Variants in LRBA observed in about 807,000 individuals in gnomAD.
LRBA encodes the protein lipopolysaccharide-responsive and beige-like anchor protein.
LRBA carries 176 observed loss-of-function variants against 330.0 expected under a neutral mutation model. The ratio of observed to expected loss-of-function variants is 0.53; its 90% CI spans 0.47 to 0.60. The LOEUF is 0.60. LRBA is among the 20% of genes least tolerant of loss of function. The pLI, the probability that LRBA is intolerant of heterozygous loss-of-function variation, is 0.00. For synonymous variants in LRBA, 1,230 were observed against 1,193.0 expected (o/e 1.03, Z -0.64); for missense variants, 3,259 against 3,444.8 (o/e 0.95, Z 1.35).
chr4:150,967,080 A>G (rs1027605160), intron 2 of LRBA, among the ~76,000 whole-genome samples: 1 of 152,240 alleles, frequency 6.6e-6, no homozygotes, highest in Non-Finnish European at 1.5e-5. Flanking sequence ...AGTCTAATTT[A>G]ATTTGTTTTA....
At chr4:150,890,882 A>G (rs1729390739) in intron 17 of LRBA, among the ~76,000 whole-genome samples, 1 of 152,158 alleles carries the variant, frequency 6.6e-6, no homozygotes, top group Admixed American at 6.5e-5. Flanking sequence ...CTAGTTTTTA[A>G]ATGTCTATGA....
chr4:150,669,943 T>G (rs1221286782), intron 37 of LRBA, among the ~76,000 whole-genome samples: 1 of 152,216 alleles, frequency 6.6e-6, no homozygotes, highest in Non-Finnish European at 1.5e-5. Flanking sequence ...CACTTCTCAG[T>G]GCATCACATC....
At chr4:150,984,453 G>A (rs955227350) in intron 2 of LRBA, among the ~76,000 whole-genome samples, 12 of 152,080 alleles carry the variant, frequency 7.9e-5, no homozygotes, top group Admixed American at 2.6e-4. Context: ...AGGTTGTGGT[G>A]AGTGGAGATT....
At chr4:150,418,019 G>GTT (rs201449584) in intron 46 of LRBA, among the ~76,000 whole-genome samples, 4 of 132,340 alleles carry the variant, frequency 3.0e-5, no homozygotes, top group African/African-American at 8.3e-5. Flanking sequence ...TTGGTTTTTT[G>GTT]TTTTTTTTTT....
intron 35 of LRBA, among the ~76,000 whole-genome samples, chr4:150,753,351 A>G (rs1434193453): frequency 2.6e-5 from 4 of 152,208 alleles, no homozygotes; most frequent in Non-Finnish European, 4.4e-5. Context: ...GCCAGTATGG[A>G]TTAATATTTG....
intron 44 of LRBA, among the ~76,000 whole-genome samples, chr4:150,452,627 A>AG (rs1365673285): frequency 2.4e-5 from 1 of 42,418 alleles, no homozygotes; most frequent in Non-Finnish European, 5.1e-5. Context: ...ATCTCAAAGG[A>AG]AAAAAAAAAA....
chr4:150,892,387 G>A (rs565351548), intron 17 of LRBA, among the ~76,000 whole-genome samples: 15 of 152,130 alleles, frequency 9.9e-5, no homozygotes, highest in Non-Finnish European at 1.8e-4. Context: ...CTAAGAGTGG[G>A]TCCCTAATCC....
intron 47 of LRBA, among the ~76,000 whole-genome samples, chr4:150,352,555 T>C (rs1340391918): frequency 1.3e-5 from 2 of 152,224 alleles, no homozygotes; most frequent in African/African-American, 4.8e-5. Flanking sequence ...GCTTTACATT[T>C]ACAAATTTAT....
At chr4:150,287,758 G>GC (rs904586976) in intron 53 of LRBA, among the ~76,000 whole-genome samples, 3 of 152,128 alleles carry the variant, frequency 2.0e-5, no homozygotes, top group African/African-American at 2.4e-5. Context: ...ATACAAAGAG[G>GC]CAAGGGGGTA....
chr4:150,621,186 A>T (rs971559143), intron 37 of LRBA, among the ~76,000 whole-genome samples: 1 of 152,222 alleles, frequency 6.6e-6, no homozygotes, highest in African/African-American at 2.4e-5. Context: ...AATGGAAATT[A>T]CTGGCAGTAA....
chr4:150,973,598 ATTCTG>A (rs1295260153), intron 2 of LRBA, among the ~76,000 whole-genome samples: 1 of 152,240 alleles, frequency 6.6e-6, no homozygotes, highest in East Asian at 1.9e-4. Flanking sequence ...TCTTCTAATA[ATTCTG>A]TTCTAATAAC....
At chr4:150,327,026 A>C (rs549762234) in intron 48 of LRBA, among the ~76,000 whole-genome samples, 2 of 152,344 alleles carry the variant, frequency 1.3e-5, no homozygotes, top group African/African-American at 4.8e-5. Context: ...AAATCATAAA[A>C]TGGGAACCTG....
At chr4:150,343,578 CCAGGTT>C (rs1735876194) in intron 48 of LRBA, among the ~76,000 whole-genome samples, 1 of 152,082 alleles carries the variant, frequency 6.6e-6, no homozygotes, top group Non-Finnish European at 1.5e-5. Flanking sequence ...TCAATCCAGC[CCAGGTT>C]CACGTTTCAT....
At chr4:150,452,732 A>T (rs1159220894) in intron 44 of LRBA, among the ~76,000 whole-genome samples, 1 of 152,144 alleles carries the variant, frequency 6.6e-6, no homozygotes, top group Non-Finnish European at 1.5e-5. Flanking sequence ...TTCCCCTAAC[A>T]CAAAAGACAA....
chr4:150,710,239 GA>G (rs1401542952), intron 36 of LRBA, among the ~76,000 whole-genome samples: 1 of 151,928 alleles, frequency 6.6e-6, no homozygotes, highest in Non-Finnish European at 1.5e-5. Context: ...TGTAGTAAGG[GA>G]AAAAATGGGT....
intron 37 of LRBA, among the ~76,000 whole-genome samples, chr4:150,660,604 A>ATGGCG (rs1386693440): frequency 2.7e-5 from 4 of 145,616 alleles, no homozygotes; most frequent in Admixed American, 2.7e-4. Flanking sequence ...CAGGATGACA[A>ATGGCG]TGGCGGCCTT....
chr4:150,845,381 A>G (rs983536547), intron 26 of LRBA, among the ~76,000 whole-genome samples: 5 of 152,208 alleles, frequency 3.3e-5, no homozygotes, highest in Admixed American at 6.5e-5. Context: ...AATGGGAGAC[A>G]GGAAAGGGAA....
At chr4:150,906,580 A>T (rs1332359140) in intron 11 of LRBA, among the ~76,000 whole-genome samples, 175 bp from the exon 12 acceptor site, 1 of 152,224 alleles carries the variant, frequency 6.6e-6, no homozygotes, top group Non-Finnish European at 1.5e-5. Flanking sequence ...TTAATGTAGG[A>T]TTAGGAGTTA....
chr4:150,421,455 A>C (rs1748783748), intron 46 of LRBA, among the ~76,000 whole-genome samples: 1 of 151,558 alleles, frequency 6.6e-6, no homozygotes, highest in African/African-American at 2.4e-5. Flanking sequence ...AAAACTCATA[A>C]GAACACCTCT....
Sources: gnomAD v4.1 joint callset for allele counts (sites outside exome capture counted in the v4.1 genomes callset) on GRCh38, gnomAD v4.1.1 for gene constraint, MANE v1.5 for transcripts, NCBI Gene and HGNC (gene_info 2026-07-23, HGNC 2026-07-21) for gene names.